DCDC1: variants seen among roughly 807,000 people sequenced by gnomAD.
The protein encoded by DCDC1 is doublecortin domain containing 1, also known as doublecortin domain-containing protein 1.
A neutral mutation model predicts 178.3 loss-of-function variants in DCDC1; 200 were observed. The ratio of observed to expected loss-of-function variants is 1.12; its 90% CI spans 1.00 to 1.26. DCDC1 has a LOEUF of 1.26. Ranked by LOEUF, DCDC1 falls within the 50% of genes most tolerant of loss-of-function variation. The probability of loss-of-function intolerance (pLI) is 0.00; values close to 1 mark genes in which losing one functional copy is unlikely to be tolerated. For synonymous variants in DCDC1, 690 were observed against 604.8 expected (o/e 1.14, Z -2.07); for missense variants, 1,983 against 1,749.2 (o/e 1.13, Z -2.38).
intron 20 of DCDC1, among the ~76,000 whole-genome samples, chr11:31,062,131 T>C (rs1403284739): frequency 6.6e-6 from 1 of 152,064 alleles, no homozygotes; most frequent in Non-Finnish European, 1.5e-5. Flanking sequence ...ACCCCATATA[T>C]GTTTCAGGAA....
At chr11:30,872,155 A>G (rs1008642642) in intron 38 of DCDC1, among the ~76,000 whole-genome samples, 1 of 152,132 alleles carries the variant, frequency 6.6e-6, no homozygotes, top group Non-Finnish European at 1.5e-5. Flanking sequence ...TTAGTCCAAC[A>G]TTCTAGGCCT....
chr11:31,135,625 T>G (rs1963033082), intron 10 of DCDC1, among the ~76,000 whole-genome samples: 1 of 152,178 alleles, frequency 6.6e-6, no homozygotes, highest in Non-Finnish European at 1.5e-5. Flanking sequence ...AAGTATCAGA[T>G]GTACACACAC....
chr11:31,214,551 A>G (rs1032590291), intron 9 of DCDC1, among the ~76,000 whole-genome samples: 17 of 152,254 alleles, frequency 1.1e-4, no homozygotes, highest in Middle Eastern at 3.4e-3. Context: ...CACGCCCTCA[A>G]TGAGCATTAT....
chr11:31,251,047 C>A (rs1943997867), intron 8 of DCDC1, among the ~76,000 whole-genome samples: 1 of 152,138 alleles, frequency 6.6e-6, no homozygotes, highest in African/African-American at 2.4e-5. Flanking sequence ...GCCACCATGC[C>A]CAGCCCCCTA....
chr11:31,294,850 GAA>G (rs1415353812), intron 6 of DCDC1, among the ~76,000 whole-genome samples: 5 of 124,434 alleles, frequency 4.0e-5, no homozygotes, highest in African/African-American at 8.7e-5. Context: ...AAGAAAGAAA[GAA>G]AGAAAGAAAG....
At chr11:30,878,824 C>T in intron 37 of DCDC1, 113 bp from the exon 38 acceptor site, 1 of 953,308 alleles carries the variant, frequency 1.0e-6, no homozygotes, top group Non-Finnish European at 1.5e-6. Context: ...TTGGCTCCCA[C>T]CCTGGGCTCT....
chr11:31,359,685 T>C (rs1322731400), intron 1 of DCDC1, among the ~76,000 whole-genome samples: 3 of 152,186 alleles, frequency 2.0e-5, no homozygotes, highest in Non-Finnish European at 4.4e-5. Context: ...AGTTCTGAAG[T>C]TCTGGTCCTA....
intron 17 of DCDC1, among the ~76,000 whole-genome samples, chr11:31,087,629 G>A (rs1035235915): frequency 1.3e-5 from 2 of 151,790 alleles, no homozygotes; most frequent in South Asian, 2.1e-4. Flanking sequence ...CAAATATCTG[G>A]GGGTTTTGCA....
chr11:31,108,297 T>G (rs1040432170), intron 12 of DCDC1, among the ~76,000 whole-genome samples: 1 of 152,152 alleles, frequency 6.6e-6, no homozygotes. Flanking sequence ...TGATCATTAC[T>G]CTCCTCTTTA....
chr11:30,977,663 C>T (rs1049563250), intron 20 of DCDC1, among the ~76,000 whole-genome samples: 1 of 152,168 alleles, frequency 6.6e-6, no homozygotes, highest in African/African-American at 2.4e-5. Flanking sequence ...GGCATGGTGG[C>T]TCGCACCTGT....
At chr11:30,898,216 A>G (rs990932188) in intron 34 of DCDC1, among the ~76,000 whole-genome samples, 1 of 152,158 alleles carries the variant, frequency 6.6e-6, no homozygotes, top group African/African-American at 2.4e-5. Flanking sequence ...ACCTTGCAAG[A>G]TTTTGTGCCT....
chr11:30,903,796 A>G (rs1944877353), intron 31 of DCDC1, 113 bp from the exon 32 acceptor site: 1 of 960,874 alleles, frequency 1.0e-6, no homozygotes, highest in Non-Finnish European at 1.4e-6. Flanking sequence ...AATTTGAGAA[A>G]ATAGAAAGCT....
chr11:30,970,850 C>G (rs1237104079), intron 20 of DCDC1, among the ~76,000 whole-genome samples: 2 of 152,192 alleles, frequency 1.3e-5, no homozygotes, highest in Non-Finnish European at 2.9e-5. Flanking sequence ...CATAGGGGAC[C>G]TGAGGTCAAG....
intron 20 of DCDC1, among the ~76,000 whole-genome samples, chr11:30,964,710 T>C (rs1949327231): frequency 6.6e-6 from 1 of 152,172 alleles, no homozygotes; most frequent in African/African-American, 2.4e-5. Flanking sequence ...ATTATATATA[T>C]ATTTGAACTT....
At chr11:31,007,530 G>C (rs1226618031) in intron 20 of DCDC1, among the ~76,000 whole-genome samples, 2 of 152,158 alleles carry the variant, frequency 1.3e-5, no homozygotes, top group Non-Finnish European at 2.9e-5. Context: ...AGGAGTGTCT[G>C]GCAGATAAGA....
chr11:31,186,760 C>T (rs1301180484), intron 9 of DCDC1, among the ~76,000 whole-genome samples: 1 of 152,212 alleles, frequency 6.6e-6, no homozygotes, highest in Non-Finnish European at 1.5e-5. Context: ...AGATCAATTT[C>T]CAGCCTTATT....
At chr11:30,992,549 C>T (rs553053028) in intron 20 of DCDC1, 5 of 152,332 alleles carry the variant, frequency 3.3e-5, no homozygotes, top group East Asian at 1.9e-4. Context: ...AGTATTACCC[C>T]GTTATAGCTG....
chr11:31,046,610 A>T (rs1954857421), intron 20 of DCDC1, among the ~76,000 whole-genome samples: 1 of 111,420 alleles, frequency 9.0e-6, no homozygotes, highest in African/African-American at 4.0e-5. Context: ...CACTGGCCTC[A>T]GTAAGAAAAA....
chr11:31,096,511 A>G (rs577019322), intron 15 of DCDC1, among the ~76,000 whole-genome samples: 1 of 152,310 alleles, frequency 6.6e-6, no homozygotes, highest in Admixed American at 6.5e-5. Flanking sequence ...TCTCCACAAC[A>G]TGGTTTAATC....
Sources: allele counts gnomAD v4.1 joint callset (sites outside exome capture counted in the v4.1 genomes callset), GRCh38; gene constraint gnomAD v4.1.1; transcripts MANE v1.5; gene names NCBI Gene and HGNC (gene_info 2026-07-23, HGNC 2026-07-21).